The following PCDHA2 variants were observed in gnomAD, a reference collection of about 807,000 sequenced individuals.
PCDHA2 encodes protocadherin alpha-2.
Under a neutral mutation model 66.0 loss-of-function variants are expected in PCDHA2, and 58 were observed. The ratio of observed to expected loss-of-function variants is 0.88; its 90% confidence interval spans 0.71 to 1.09. The LOEUF is 1.09. Among genes scored for constraint, PCDHA2 ranks in the 50% least tolerant of loss-of-function variants. PCDHA2 has a pLI of 0.00. For synonymous variants in PCDHA2, 634 were observed against 554.0 expected (o/e 1.14, Z -2.03); for missense variants, 1,267 against 1,242.3 (o/e 1.02, Z -0.30).
intron 1 of PCDHA2, chr5:140,863,348 C>G (rs548906600): frequency 3.0e-5 from 39 of 1,313,260 alleles, no homozygotes; most frequent in Non-Finnish European, 4.0e-5. Flanking sequence ...CTGCTGTACA[C>G]GACGCTGCGG....
In PCDHA2 at chr5:141,010,369, G is replaced by A. The variant is rs963959073; in HGVS notation, c.*432G>A. The A allele has an allele frequency of 1.8e-4, 270 of 1,474,338 alleles. No homozygotes were observed. The highest frequency in any genetic ancestry group is 7.1e-5 in the Non-Finnish European group (79 of 1,109,414). 91.3% of individuals were successfully genotyped at this position (1,474,338 alleles called of 1,614,324 possible). On this transcript the variant is annotated 3_prime_UTR_variant, in exon 4 of 4. Transcript: ENST00000526136. ...GTATGTGTGGCTACCGCGGGTATGCGAGTGCCAGATATTGGCTGAGACGAG... is the reference window on the plus strand; with the variant it reads ...GTATGTGTGGCTACCGCGGGTATGCAAGTGCCAGATATTGGCTGAGACGAG...
intron 1 of PCDHA2, chr5:140,870,108 CTG>C (rs1455437240): frequency 6.2e-7 from 1 of 1,613,906 alleles, no homozygotes; most frequent in African/African-American, 1.3e-5. Flanking sequence ...ACTGTACAGT[CTG>C]GGTGGAAATC....
chr5:140,869,758 A>AAACC, intron 1 of PCDHA2: 1 of 1,613,288 alleles, frequency 6.2e-7, no homozygotes, highest in Non-Finnish European at 8.5e-7. Context: ...AGACGGGGGA[A>AAACC]AACCAGAGCT....
chr5:140,857,144 A>G, intron 1 of PCDHA2: 1 of 1,598,350 alleles, frequency 6.3e-7, no homozygotes, highest in Non-Finnish European at 8.6e-7. Context: ...TCAAGTGGGC[A>G]CCGTCATTGC....
Position 140,881,357 on chromosome 5 carries a change from CT to C in PCDHA2, c.2388+84008del, listed in dbSNP as rs1486951603. 3.0e-6 allele frequency: 3 copies of C among 985,228 alleles called. No homozygotes were observed. The African/African-American group carries it at 5.2e-5, about 17-fold the overall frequency. 61.0% of individuals were successfully genotyped at this position (985,228 alleles called of 1,614,324 possible). A position where few individuals can be genotyped will look rare whatever the true frequency, so the allele number is the denominator to read the frequency against. ...CGCCGATTCGGGCTACAATGCGTGG[CT>C]TTCGTATGAATTGCAGCCGGCGGCG... On this transcript the variant is annotated intron_variant, in intron 1 of 3. Coordinates refer to ENST00000526136, the MANE Select transcript of PCDHA2 (RefSeq NM_018905.3).
intron 1 of PCDHA2, among the ~76,000 whole-genome samples, chr5:140,977,970 A>G (rs531494024): frequency 2.0e-5 from 3 of 152,332 alleles, no homozygotes; most frequent in South Asian, 4.1e-4. Context: ...ATCTCCGCCC[A>G]TGAAAACGCA....
intron 1 of PCDHA2, chr5:140,870,360 C>T (rs1562642999): frequency 6.2e-7 from 1 of 1,614,166 alleles, no homozygotes; most frequent in Non-Finnish European, 8.5e-7. Context: ...ACGTGTGGGC[C>T]TATGAACTGG....
chr5:140,995,800 A>G (rs180764210), intron 3 of PCDHA2, among the ~76,000 whole-genome samples: 3 of 152,282 alleles, frequency 2.0e-5, no homozygotes, highest in Non-Finnish European at 2.9e-5. Context: ...GTCTCATGTT[A>G]GTTTCTGAAG....
rs1781368180 is a variant in PCDHA2 at position 140,848,199 on chromosome 5, A to G, written c.2388+50847A>G. 9.4e-6 allele frequency: 3 copies of G among 318,910 alleles called. No individual in the cohort carries two copies. In the East Asian group the frequency reaches 1.6e-4, roughly 17 times the overall value. The allele number at this position is 318,910 out of a possible 1,614,324, so 19.8% of individuals were successfully genotyped here. ...GAGAAACGGGATCTTCTGTTTCAAC[A>G]ATCATTACTTAAGAAAAAATTAAGA... On this transcript the variant is annotated intron_variant, in intron 1 of 3. Transcript: ENST00000526136.
At chr5:140,876,961 C>A in intron 1 of PCDHA2, 1 of 1,613,154 alleles carries the variant, frequency 6.2e-7, no homozygotes, top group Non-Finnish European at 8.5e-7. Flanking sequence ...GCTGGTGGAG[C>A]GGCGGGTGGG....
Position 140,883,341 on chromosome 5 carries a change from C to A in PCDHA2, c.2388+85989C>A, listed in dbSNP as rs144000682. The A allele has an allele frequency of 4.3e-5, 70 of 1,614,144 alleles. No homozygotes were observed. The African/African-American group carries it at 9.1e-4, about 21-fold the overall frequency. The stretch of plus-strand genomic sequence containing the variant: ...GTTACCATCACTTCTTTGTCACTCC[C>A]CATCAGAGAAGACACTCAGCCTAGC... On this transcript the variant is annotated intron_variant, in intron 1 of 3. Transcript: ENST00000526136.
chr5:140,929,078 G>A lies in PCDHA2; in HGVS notation c.2389-49871G>A, dbSNP rs144524128. On this transcript the variant is annotated intron_variant, in intron 1 of 3. Coordinates refer to ENST00000526136, the MANE Select transcript of PCDHA2 (RefSeq NM_018905.3). ...TCTACAGAGGATCTGAGGTATGGAA[G>A]TAAGATGGTTTCAAATCCTTGCATG... 20 of 1,614,208 alleles carry A rather than the reference G, an allele frequency of 1.2e-5. No individual in the cohort carries two copies. The African/African-American group carries it at 2.3e-4, about 18-fold the overall frequency.
At chr5:140,922,577 T>C (rs155818) in intron 1 of PCDHA2, among the ~76,000 whole-genome samples, 48,013 of 152,060 alleles carry the variant, frequency 0.32, 7,938 homozygotes, top group East Asian at 0.53. Flanking sequence ...AGTTGCCCTG[T>C]AGCCGCCAGT....
intron 1 of PCDHA2, chr5:140,860,899 G>C (rs940246442): frequency 6.6e-6 from 1 of 152,256 alleles, no homozygotes; most frequent in Admixed American, 6.6e-5. Flanking sequence ...CAACACGCCA[G>C]GCTAATTTTT....
At chr5:140,863,350 A>G (rs781880705) in intron 1 of PCDHA2, 2 of 1,296,828 alleles carry the variant, frequency 1.5e-6, no homozygotes, top group Non-Finnish European at 2.1e-6. Flanking sequence ...GCTGTACACG[A>G]CGCTGCGGTG....
Position 140,843,391 on chromosome 5 carries a change from A to G in PCDHA2, c.2388+46039A>G, listed in dbSNP as rs1554140017. On this transcript the variant is annotated intron_variant, in intron 1 of 3. Transcript: ENST00000526136. ...AGTCGGCTGGCGTTTTGGGTCCGGA[A>G]GCGGCGCTGGTGGATGTCAACGTGT... 7.5e-6 allele frequency: 12 copies of G among 1,596,022 alleles called. 1 individual carries two copies. The highest frequency in any genetic ancestry group is 8.6e-6 in the Non-Finnish European group (10 of 1,165,574).
intron 1 of PCDHA2, among the ~76,000 whole-genome samples, chr5:140,898,748 G>A (rs1397892217): frequency 1.1e-4 from 16 of 152,222 alleles, no homozygotes; most frequent in African/African-American, 3.9e-4. Context: ...TAGCTTGATG[G>A]GGATGGCATT....
chr5:140,805,459 G>A, intron 1 of PCDHA2: 1 of 1,017,546 alleles, frequency 9.8e-7, no homozygotes, highest in Non-Finnish European at 1.2e-6. Context: ...GTTTGTGTGA[G>A]TGTAGTTCTT....
intron 1 of PCDHA2, among the ~76,000 whole-genome samples, chr5:140,878,693 C>T (rs932928385): frequency 6.6e-6 from 1 of 152,136 alleles, no homozygotes; most frequent in South Asian, 2.1e-4. Context: ...TCTTACATAC[C>T]CCAGCCTGGT....
Sources: allele counts gnomAD v4.1 joint callset (sites outside exome capture counted in the v4.1 genomes callset), GRCh38; gene constraint gnomAD v4.1.1; transcripts MANE v1.5; gene names NCBI Gene and HGNC (gene_info 2026-07-23, HGNC 2026-07-21).